The following SMIM36 variants were observed in gnomAD, a reference collection of about 807,000 sequenced individuals.
The protein encoded by SMIM36 is small integral membrane protein 36.
chr17:55,480,437 T>G (rs1440916614), intron 1 of SMIM36, among the ~76,000 whole-genome samples: 17 of 152,156 alleles, frequency 1.1e-4, no homozygotes, highest in Non-Finnish European at 1.5e-5. Flanking sequence ...AACTTCTGGT[T>G]TCAATCTCCA....
intron 1 of SMIM36, among the ~76,000 whole-genome samples, chr17:55,483,983 A>C (rs1332353058): frequency 2.0e-5 from 3 of 152,106 alleles, no homozygotes; most frequent in Non-Finnish European, 2.9e-5. Flanking sequence ...CTCTCTCTCT[A>C]CACATTCTAT....
chr17:55,467,156 TATA>T (rs1169180405), exon 4 of SMIM36: 8 of 152,276 alleles, frequency 5.3e-5, no homozygotes, highest in African/African-American at 1.9e-4. Flanking sequence ...CAGTGTTTGT[TATA>T]ATGTCTGCCC....
chr17:55,456,219 CTT>C (rs920432139), intron 4 of SMIM36, among the ~76,000 whole-genome samples: 14 of 148,562 alleles, frequency 9.4e-5, no homozygotes, highest in Admixed American at 6.8e-5. Flanking sequence ...CAAAGGGACT[CTT>C]TTGCTTCTTC....
rs55879501 is a variant in SMIM36, at chr17:55,508,431, AATATATATATATATATATATATATATAT to A, written c.*174+2420_*174+2447del. On this transcript the variant is annotated intron_variant, in intron 1 of 4. Transcript: ENST00000636752. The stretch of plus-strand genomic sequence containing the variant: ...CATATTTTATATATATATTCCTAGG[AATATATATATATATATATATATATATAT>A]ATATATATATGAACCTGCCCTTTTC... 9.0e-3 allele frequency among the ~76,000 whole-genome samples: 1,029 copies of A among 114,316 alleles called. 35 individuals are homozygous for A. The highest frequency in any genetic ancestry group is 0.034 in the African/African-American group (963 of 28,378). The allele number at this position is 114,316 out of a possible 152,430, so 75.0% of individuals were successfully genotyped here.
At chr17:55,497,242 T>C (rs1909825668) in intron 1 of SMIM36, among the ~76,000 whole-genome samples, 1 of 152,122 alleles carries the variant, frequency 6.6e-6, no homozygotes, top group Non-Finnish European at 1.5e-5. Flanking sequence ...TTTTCTTCTG[T>C]ATTCTACCTT....
intron 1 of SMIM36, among the ~76,000 whole-genome samples, chr17:55,496,613 T>C (rs1354038043): frequency 6.6e-6 from 1 of 152,216 alleles, no homozygotes; most frequent in African/African-American, 2.4e-5. Flanking sequence ...GATGACGTAA[T>C]GAGAAAGAGA....
At chr17:55,501,566 CATA>C (rs750657500) in intron 1 of SMIM36, among the ~76,000 whole-genome samples, 53 of 118,782 alleles carry the variant, frequency 4.5e-4, no homozygotes, top group Non-Finnish European at 7.5e-4. Flanking sequence ...TCATTATATA[CATA>C]ATAATTATAT....
At chr17:55,509,565 G>A (rs1169739155) in intron 1 of SMIM36, among the ~76,000 whole-genome samples, 1 of 152,182 alleles carries the variant, frequency 6.6e-6, no homozygotes, top group Non-Finnish European at 1.5e-5. Flanking sequence ...AAGAGCATCT[G>A]CAAAGCTTTC....
intron 1 of SMIM36, among the ~76,000 whole-genome samples, chr17:55,490,959 G>T (rs1225937929): frequency 6.6e-6 from 1 of 151,412 alleles, no homozygotes; most frequent in East Asian, 1.9e-4. Flanking sequence ...TTTAGAATCA[G>T]AAAAATACAA....
chr17:55,484,346 A>G (rs949475083), intron 1 of SMIM36, among the ~76,000 whole-genome samples: 3 of 152,208 alleles, frequency 2.0e-5, no homozygotes, highest in African/African-American at 7.2e-5. Context: ...TAGCCAATAA[A>G]TATGGAAGGA....
At chr17:55,491,350 GA>G (rs2144708780) in intron 1 of SMIM36, among the ~76,000 whole-genome samples, 1 of 151,722 alleles carries the variant, frequency 6.6e-6, no homozygotes, top group East Asian at 1.9e-4. Context: ...TCACTTTGAG[GA>G]GTTAATATCA....
rs1053988395 is a variant in SMIM36 at position 55,481,500 on chromosome 17, C to T, written c.*175-1920G>A. Among the ~76,000 whole-genome samples, 6 of 152,212 alleles carry T rather than the reference C, an allele frequency of 3.9e-5. No individual in the cohort carries two copies. The East Asian group carries it at 9.6e-4, about 24-fold the overall frequency. On this transcript the variant is annotated intron_variant, in intron 1 of 4. Coordinates refer to ENST00000636752, the Ensembl canonical transcript of SMIM36. Reference sequence around the variant, plus strand: ...ATCCTGGCAATGCTGTGATATTGCACGGTACAATCCCTCCTGTTTTCGATC... The same window carrying T: ...ATCCTGGCAATGCTGTGATATTGCATGGTACAATCCCTCCTGTTTTCGATC...
At chr17:55,458,722 G>A (rs906286308) in intron 4 of SMIM36, among the ~76,000 whole-genome samples, 3 of 152,126 alleles carry the variant, frequency 2.0e-5, no homozygotes, top group Non-Finnish European at 4.4e-5. Flanking sequence ...CGCAGGCAGT[G>A]GAGTCTGGCC....
intron 3 of SMIM36, among the ~76,000 whole-genome samples, chr17:55,474,322 C>T (rs553934758): frequency 2.6e-5 from 4 of 152,142 alleles, no homozygotes; most frequent in Non-Finnish European, 4.4e-5. Context: ...GTGGAGCATC[C>T]CTGCAGGGGA....
At chr17:55,486,220 T>G (rs1165723881) in intron 1 of SMIM36, among the ~76,000 whole-genome samples, 10 of 151,850 alleles carry the variant, frequency 6.6e-5, no homozygotes, top group Admixed American at 6.6e-4. Flanking sequence ...TGTATTTTTA[T>G]TAGAGACAGG....
intron 4 of SMIM36, among the ~76,000 whole-genome samples, chr17:55,452,636 G>T (rs951585719): frequency 3.9e-5 from 6 of 152,184 alleles, no homozygotes; most frequent in Admixed American, 2.0e-4. Context: ...TCACATAGTG[G>T]CCATCCTGTT....
At chr17:55,453,084 A>G (rs1196804383) in intron 4 of SMIM36, among the ~76,000 whole-genome samples, 1 of 152,162 alleles carries the variant, frequency 6.6e-6, no homozygotes, top group Non-Finnish European at 1.5e-5. Context: ...CTGAGGCAGA[A>G]AGATCACTTG....
chr17:55,531,191 C>T, the SMIM36 span, among the ~76,000 whole-genome samples: 4 of 152,180 alleles, frequency 2.6e-5, no homozygotes, highest in African/African-American at 9.7e-5. Context: ...AACCCCAACG[C>T]TGCCTGCCTT....
the SMIM36 span, among the ~76,000 whole-genome samples, chr17:55,517,611 G>T: frequency 6.6e-6 from 1 of 152,148 alleles, no homozygotes; most frequent in East Asian, 1.9e-4. Context: ...AAGACTTCAT[G>T]GTTCTTATTA....
Sources: gnomAD v4.1 joint callset for allele counts (sites outside exome capture counted in the v4.1 genomes callset) on GRCh38, gnomAD v4.1.1 for gene constraint, MANE v1.5 for transcripts, NCBI Gene and HGNC (gene_info 2026-07-23, HGNC 2026-07-21) for gene names.